Variants in GLUD1 observed in about 807,000 individuals in gnomAD.
The protein encoded by GLUD1 is glutamate dehydrogenase 1, also known as glutamate dehydrogenase 1, mitochondrial.
A neutral mutation model predicts 56.0 loss-of-function variants in GLUD1; 22 were observed. That is an observed-to-expected ratio of 0.39 (90% CI 0.28 to 0.56). The LOEUF is 0.56. GLUD1 is among the 20% of genes least tolerant of loss of function. GLUD1 has a pLI of 0.58. For synonymous variants in GLUD1, 223 were observed against 269.9 expected (o/e 0.83, Z 1.70); for missense variants, 451 against 732.0 (o/e 0.62, Z 4.43).
At chr10:87,067,229 C>T (rs968631674) in intron 5 of GLUD1, among the ~76,000 whole-genome samples, 7 of 152,118 alleles carry the variant, frequency 4.6e-5, no homozygotes, top group Non-Finnish European at 5.9e-5. Flanking sequence ...GTTCATTTAC[C>T]TCTTCATTCT....
At chr10:87,088,704 C>T (rs1428760228) in intron 1 of GLUD1, among the ~76,000 whole-genome samples, 1 of 152,178 alleles carries the variant, frequency 6.6e-6, no homozygotes, top group Non-Finnish European at 1.5e-5. Flanking sequence ...TTCCTCTAGC[C>T]TAGAAGCAAA....
chr10:87,064,969 G>A (rs1016726636), intron 5 of GLUD1, among the ~76,000 whole-genome samples: 1 of 152,030 alleles, frequency 6.6e-6, no homozygotes, highest in Non-Finnish European at 1.5e-5. Context: ...AGGGCGGCAC[G>A]TTTCAGTTCA....
chr10:87,061,634 TG>T (rs1256958423), intron 6 of GLUD1, among the ~76,000 whole-genome samples: 2 of 151,910 alleles, frequency 1.3e-5, no homozygotes, highest in Admixed American at 6.6e-5. Flanking sequence ...TTTTTTTTTT[TG>T]AGACCGAGTC....
intron 7 of GLUD1, 44 bp from the exon 8 acceptor site, chr10:87,060,869 T>C (rs1423930626): frequency 2.5e-6 from 4 of 1,613,904 alleles, no homozygotes; most frequent in Non-Finnish European, 3.4e-6. Flanking sequence ...CACCAGAGTT[T>C]TAAATATTTA....
chr10:87,074,715 G>A (rs923494345), intron 3 of GLUD1, 101 bp from the exon 4 acceptor site: 6 of 749,580 alleles, frequency 8.0e-6, no homozygotes, highest in African/African-American at 1.8e-5. Context: ...ATTTTCATAT[G>A]TCTTCTCATG....
chr10:87,074,017 T>TA (rs916733442), intron 4 of GLUD1, among the ~76,000 whole-genome samples: 1 of 151,590 alleles, frequency 6.6e-6, no homozygotes, highest in Non-Finnish European at 1.5e-5. Context: ...CCTTCTAGAT[T>TA]AAAAAAAATA....
intron 8 of GLUD1, 193 bp downstream of exon 8, chr10:87,060,495 T>C: frequency 2.7e-6 from 2 of 746,508 alleles, no homozygotes; most frequent in Admixed American, 2.3e-5. Context: ...GTTTTGGTAA[T>C]GGTTGCACAA....
chr10:87,092,701 GA>G, intron 1 of GLUD1: 1 of 479,772 alleles, frequency 2.1e-6, no homozygotes, highest in Non-Finnish European at 2.7e-6. Flanking sequence ...TCATCCTGCA[GA>G]AAACCACATA....
At position 87,094,594 on chromosome 10, in the gene GLUD1, T is replaced by C; in HGVS notation, c.176A>G (p.Asp59Gly). 1.2e-6 allele frequency: 2 copies of C among 1,611,078 alleles called. No individual in the cohort carries two copies. The highest frequency in any genetic ancestry group is 2.2e-5 in the South Asian group (2 of 90,990). ...ARRHYSEAVADREDDPNFFKM... is the reference protein window; with the variant it reads ...ARRHYSEAVAGREDDPNFFKM... ...GAAGAAGTTGGGGTCGTCCTCGCGG[T>C]CGGCCACCGCCTCGCTGTAGTGGCG... The change falls in exon 1 of 13, where the codon GAC (aspartate) becomes GGC (glycine). Residue 59 changes from aspartate to glycine, a missense_variant. This residue lies in a region of GLUD1 where 158 missense variants were observed against 189.7 expected (regional missense o/e 0.83). Transcript: ENST00000277865. The surrounding 1 kb of genome is among the most constrained non-coding windows in gnomAD (Gnocchi z 6.6).
intron 5 of GLUD1, among the ~76,000 whole-genome samples, chr10:87,066,906 C>A (rs975976575): frequency 1.3e-5 from 2 of 152,212 alleles, no homozygotes; most frequent in African/African-American, 4.8e-5. Context: ...GTGGTACTAC[C>A]TCTGCTCAGT....
At chr10:87,061,133 C>T in intron 6 of GLUD1, 81 bp from the exon 7 acceptor site, 1 of 1,266,618 alleles carries the variant, frequency 7.9e-7, no homozygotes, top group Non-Finnish European at 1.2e-6. Flanking sequence ...CAATGTAAAT[C>T]CATACTCTGT....
chr10:87,086,052 G>A (rs1564564227), intron 1 of GLUD1, among the ~76,000 whole-genome samples: 1 of 152,146 alleles, frequency 6.6e-6, no homozygotes, highest in African/African-American at 2.4e-5. Context: ...CAGCTATCCA[G>A]TTTCATATAA....
At chr10:87,086,412 T>C (rs1459439463) in intron 1 of GLUD1, among the ~76,000 whole-genome samples, 1 of 152,190 alleles carries the variant, frequency 6.6e-6, no homozygotes, top group African/African-American at 2.4e-5. Flanking sequence ...CTTCAAAATG[T>C]TTTATCTGTC....
Position 87,094,043 on chromosome 10 carries a change from G to A in GLUD1, c.445+282C>T, listed in dbSNP as rs1420259759. The A allele has an allele frequency of 4.0e-6, 6 of 1,500,630 alleles. No homozygotes were observed. In the East Asian group the frequency reaches 1.3e-4, roughly 33 times the overall value. 93.0% of individuals were successfully genotyped at this position (1,500,630 alleles called of 1,614,324 possible). On this transcript the variant is annotated intron_variant, in intron 1 of 12. Transcript: ENST00000277865. The surrounding 1 kb of genome is among the most constrained non-coding windows in gnomAD (Gnocchi z 6.6). ...TGTGACACAGACACCGGGACCAAAAGGAGACCGGTGCAGCGTCTACTCTGC... is the reference window on the plus strand; with the variant it reads ...TGTGACACAGACACCGGGACCAAAAAGAGACCGGTGCAGCGTCTACTCTGC...
chr10:87,082,525 G>C (rs1292257863), intron 1 of GLUD1, among the ~76,000 whole-genome samples: 4 of 152,206 alleles, frequency 2.6e-5, no homozygotes, highest in Non-Finnish European at 5.9e-5. Flanking sequence ...GGAAGCACAG[G>C]AGGAGCTATA....
chr10:87,068,573 T>C (rs57496575), intron 4 of GLUD1, among the ~76,000 whole-genome samples: 4,980 of 152,282 alleles, frequency 0.033, 277 homozygotes, highest in African/African-American at 0.11. Flanking sequence ...ATGTATGAGA[T>C]AGCAGAGTAA....
At chr10:87,093,782 T>C (rs1378897443) in intron 1 of GLUD1, 4 of 496,750 alleles carry the variant, frequency 8.1e-6, no homozygotes, top group African/African-American at 6.0e-5. Context: ...TAACGCGTGA[T>C]TAGTAAATTC....
chr10:87,073,714 G>A (rs1846304209), intron 4 of GLUD1, among the ~76,000 whole-genome samples: 1 of 143,240 alleles, frequency 7.0e-6, no homozygotes, highest in South Asian at 2.1e-4. Context: ...TGCTTCCCAG[G>A]TTCACACCAT....
At chr10:87,068,532 T>C (rs1332747414) in intron 4 of GLUD1, among the ~76,000 whole-genome samples, 1 of 152,190 alleles carries the variant, frequency 6.6e-6, no homozygotes, top group Non-Finnish European at 1.5e-5. Flanking sequence ...GTGTTCTATA[T>C]AAGCAGGATT....
Sources: allele counts gnomAD v4.1 joint callset (sites outside exome capture counted in the v4.1 genomes callset), GRCh38; gene constraint gnomAD v4.1.1; regional missense constraint gnomAD v4.1.1; non-coding constraint Gnocchi (gnomAD v3.1); transcripts MANE v1.5; gene names NCBI Gene and HGNC (gene_info 2026-07-23, HGNC 2026-07-21).